Variants in USP43 observed in about 807,000 individuals in gnomAD.
USP43 encodes the protein ubiquitin specific peptidase 43.
A neutral mutation model predicts 90.7 loss-of-function variants in USP43; 33 were observed. That is an observed-to-expected ratio of 0.36 (90% CI 0.28 to 0.49). The LOEUF (loss-of-function observed/expected upper bound fraction) is 0.49, where lower values mean the gene tolerates loss of function less well. Ranked by LOEUF, USP43 falls within the 20% of genes least tolerant of loss-of-function variation. The probability of loss-of-function intolerance (pLI) is 0.98; values close to 1 mark genes in which losing one functional copy is unlikely to be tolerated. For synonymous variants in USP43, 598 were observed against 615.8 expected (o/e 0.97, Z 0.43); for missense variants, 1,274 against 1,476.4 (o/e 0.86, Z 2.25).
At chr17:9,654,860 C>T (rs1452929835) in intron 1 of USP43, among the ~76,000 whole-genome samples, 1 of 151,666 alleles carries the variant, frequency 6.6e-6, no homozygotes, top group Non-Finnish European at 1.5e-5. Context: ...GCCTCAGTCT[C>T]CCAAGTAGCT....
Position 9,700,194 on chromosome 17 carries a change from G to A in USP43, c.1480G>A (p.Gly494Arg). ...VDRVLHLRRP[G>R]GPPHVKLAVE... ...CAGGGTTTTGCATCTCAGGAGGCCA[G>A]GAGGCCCTCCACATGTCAAGCTGGC... The change falls in exon 10 of 15, where the codon GGA (glycine) becomes AGA (arginine). Residue 494 changes from glycine to arginine, a missense_variant. This residue lies in a region of USP43 where 253 missense variants were observed against 276.0 expected (regional missense o/e 0.92). Transcript: ENST00000285199. 2 of 1,606,960 alleles carry A rather than the reference G, an allele frequency of 1.2e-6. No individual in the cohort carries two copies. Among genetic ancestry groups the A allele is most frequent in the Non-Finnish European group, 1.7e-6 (2 of 1,177,018 alleles).
At chr17:9,694,370 C>A (rs771506662) in intron 9 of USP43, among the ~76,000 whole-genome samples, 14 of 152,144 alleles carry the variant, frequency 9.2e-5, no homozygotes, top group Non-Finnish European at 1.5e-4. Flanking sequence ...GTTTGGGTCT[C>A]CCAGGGAGAG....
chr17:9,698,965 T>C (rs1212301192), intron 9 of USP43, among the ~76,000 whole-genome samples: 1 of 152,164 alleles, frequency 6.6e-6, no homozygotes, highest in East Asian at 1.9e-4. Context: ...ATTGTGGAAA[T>C]GGAGAATTTG....
chr17:9,678,335 T>G (rs955693044), intron 5 of USP43, among the ~76,000 whole-genome samples: 1 of 152,204 alleles, frequency 6.6e-6, no homozygotes, highest in Admixed American at 6.5e-5. Flanking sequence ...ATCATAGATA[T>G]ATGTACTTGG....
In USP43 at chr17:9,701,805, A is replaced by C; in HGVS notation, c.2011+105A>C. The C allele has an allele frequency of 9.9e-7, 1 of 1,006,726 alleles. No individual in the cohort carries two copies. The highest frequency in any genetic ancestry group is 1.6e-5 in the African/African-American group (1 of 61,654). 62.4% of individuals were successfully genotyped at this position (1,006,726 alleles called of 1,614,324 possible). On this transcript the variant is annotated intron_variant, in intron 12 of 14. Transcript: ENST00000285199. The surrounding 1 kb of genome is among the most constrained non-coding windows in gnomAD (Gnocchi z 7.2). ...GCTGAGCTCCCTGGGGCACTTATTG[A>C]GATCCGACCCCTCACCCACCGCACA...
intron 14 of USP43, among the ~76,000 whole-genome samples, chr17:9,722,971 C>T (rs1917045433): frequency 6.6e-6 from 1 of 152,194 alleles, no homozygotes; most frequent in Non-Finnish European, 1.5e-5. Flanking sequence ...TTTTTCTCCT[C>T]TTTGTCACCC....
chr17:9,712,908 C>T (rs1008862007), intron 14 of USP43, among the ~76,000 whole-genome samples: 1 of 152,098 alleles, frequency 6.6e-6, no homozygotes, highest in South Asian at 2.1e-4. Flanking sequence ...TACATGCGTA[C>T]AATGTGTTCA....
At chr17:9,711,711 G>T (rs1382999136) in intron 13 of USP43, among the ~76,000 whole-genome samples, 1 of 152,178 alleles carries the variant, frequency 6.6e-6, no homozygotes, top group Non-Finnish European at 1.5e-5. Context: ...CATTACAGGC[G>T]TGAGCCACCG....
chr17:9,680,144 G>A (rs1311902101), intron 5 of USP43, 87 bp from the exon 6 acceptor site: 1 of 1,457,284 alleles, frequency 6.9e-7, no homozygotes, highest in African/African-American at 1.4e-5. Flanking sequence ...GTGAAAAATG[G>A]GTGTTGACTA....
intron 2 of USP43, 23 bp downstream of exon 2, chr17:9,656,557 C>T (rs2151963832): frequency 6.2e-7 from 1 of 1,600,804 alleles, no homozygotes. Context: ...CAAAACAACA[C>T]AATGTACTGG....
chr17:9,670,795 G>C (rs1428747584), intron 3 of USP43, among the ~76,000 whole-genome samples: 1 of 152,188 alleles, frequency 6.6e-6, no homozygotes, highest in African/African-American at 2.4e-5. Context: ...CCTATAGCAT[G>C]ATGAGTAAGA....
intron 8 of USP43, among the ~76,000 whole-genome samples, chr17:9,687,265 T>A (rs1457725594): frequency 6.6e-6 from 1 of 152,190 alleles, no homozygotes; most frequent in Non-Finnish European, 1.5e-5. Flanking sequence ...ATTCCCAATT[T>A]TGTATGTTTA....
At chr17:9,716,423 C>T (rs1229084480) in intron 14 of USP43, among the ~76,000 whole-genome samples, 2 of 152,060 alleles carry the variant, frequency 1.3e-5, no homozygotes, top group Non-Finnish European at 2.9e-5. Context: ...TATTCTAGCA[C>T]CCTGCTGCCT....
Position 9,700,260 on chromosome 17 carries a change from G to A in USP43, c.1535+11G>A, listed in dbSNP as rs1267618472. ...CTCTGTCAAGGAGCGGTGAGTTCAA[G>A]GGAATTTGCCACCTGCAGAGCTGAG... is the stretch of plus-strand genomic sequence containing the variant. On this transcript the variant is annotated intron_variant, in intron 10 of 14. Coordinates refer to ENST00000285199, the MANE Select transcript of USP43 (RefSeq NM_153210.5). 1 of 1,586,058 alleles carries A rather than the reference G, an allele frequency of 6.3e-7. No individual in the cohort carries two copies. The highest frequency in any genetic ancestry group is 2.3e-5 in the East Asian group (1 of 43,630).
intron 13 of USP43, among the ~76,000 whole-genome samples, chr17:9,710,887 C>T (rs1916153429): frequency 6.6e-6 from 1 of 151,644 alleles, no homozygotes; most frequent in Non-Finnish European, 1.5e-5. Context: ...TTGTTTCATG[C>T]TGCAAACCAA....
chr17:9,684,346 G>A (rs1207640750), intron 7 of USP43, among the ~76,000 whole-genome samples: 1 of 152,080 alleles, frequency 6.6e-6, no homozygotes, highest in African/African-American at 2.4e-5. Context: ...CATGTGAGAG[G>A]TGAAGGATTT....
At chr17:9,660,385 G>A (rs1040246146) in intron 2 of USP43, among the ~76,000 whole-genome samples, 35 of 152,244 alleles carry the variant, frequency 2.3e-4, no homozygotes, top group Non-Finnish European at 8.8e-5. Context: ...TCCTGACCTC[G>A]TGATCCGCCT....
chr17:9,650,485 C>T lies in USP43; in HGVS notation c.504+4349C>T, dbSNP rs776294635. On this transcript the variant is annotated intron_variant, in intron 1 of 14. Transcript: ENST00000285199. The stretch of plus-strand genomic sequence containing the variant: ...GGGCGCTATCTCGGCTCACTGCAAC[C>T]TCCACTTTCTGGGTTCAGGCGATTC... Among the ~76,000 whole-genome samples, 43 of 152,152 alleles carry T rather than the reference C, an allele frequency of 2.8e-4. 1 individual carries two copies. The highest frequency in any genetic ancestry group is 1.0e-4 in the Non-Finnish European group (7 of 68,022).
intron 3 of USP43, among the ~76,000 whole-genome samples, chr17:9,672,389 A>G (rs1353817899): frequency 6.6e-6 from 1 of 152,158 alleles, no homozygotes; most frequent in African/African-American, 2.4e-5. Context: ...TGGTGGCTCA[A>G]TGTAAAAGTC....
Sources: allele counts gnomAD v4.1 joint callset (sites outside exome capture counted in the v4.1 genomes callset), GRCh38; gene constraint gnomAD v4.1.1; regional missense constraint gnomAD v4.1.1; non-coding constraint Gnocchi (gnomAD v3.1); transcripts MANE v1.5; gene names NCBI Gene and HGNC (gene_info 2026-07-23, HGNC 2026-07-21).